ADGRB1: variants seen among roughly 807,000 people sequenced by gnomAD.
ADGRB1 encodes the protein brain-specific angiogenesis inhibitor 1.
In ADGRB1, 36 loss-of-function variants were observed where a neutral mutation model predicts 175.7. The observed-to-expected ratio is 0.20, with a 90% CI of 0.16 to 0.27. The LOEUF (loss-of-function observed/expected upper bound fraction) is 0.27, where lower values mean the gene tolerates loss of function less well. Ranked by LOEUF, ADGRB1 falls within the 10% of genes least tolerant of loss-of-function variation. The pLI, the probability that ADGRB1 is intolerant of heterozygous loss-of-function variation, is 1.00. For synonymous variants in ADGRB1, 1,054 were observed against 979.4 expected (o/e 1.08, Z -1.42); for missense variants, 1,731 against 2,255.3 (o/e 0.77, Z 4.71).
In ADGRB1 at chr8:142,463,422, C is replaced by T. The variant is rs183916526; in HGVS notation, c.-219-558C>T. ...CAAGCCTTTAGAAAGGGCTCGGGGG[C>T]CAGACGGGAGGCTGGGGAATGGCCC... is the stretch of plus-strand genomic sequence containing the variant. On this transcript the variant is annotated intron_variant, in intron 1 of 30. Coordinates refer to ENST00000517894, the MANE Select transcript of ADGRB1 (RefSeq NM_001702.3). Among the ~76,000 whole-genome samples, 64 of 152,360 alleles carry T rather than the reference C, an allele frequency of 4.2e-4. 1 individual carries two copies. In the East Asian group the frequency reaches 0.01, roughly 24 times the overall value.
rs754665297 is a variant in ADGRB1, at chr8:142,536,999, G to A, written c.3583G>A (p.Val1195Met). 7 of 1,592,272 alleles carry A rather than the reference G, an allele frequency of 4.4e-6. No individual in the cohort carries two copies. The change falls in exon 26 of 31, where the codon GTG becomes ATG. Residue 1195 changes from valine (V) to methionine (M), a missense_variant. By Grantham distance (21) the Val-to-Met change is conservative. Around this residue, in one of 8 missense-constraint regions of ADGRB1, gnomAD observed 301 missense variants for 488.4 expected, o/e 0.62. Transcript: ENST00000517894. Reference sequence around the variant, plus strand: ...TCTCCCTCCCCAGGTCCAGGACGCTGTGAAATGCCGTGTGGTTGACCGGCA... The same window carrying A: ...TCTCCCTCCCCAGGTCCAGGACGCTATGAAATGCCGTGTGGTTGACCGGCA... ...CILRREVQDA[V>M]KCRVVDRQEE...
At position 142,499,438 on chromosome 8, in the gene ADGRB1, G is replaced by A. The variant is rs116570248; in HGVS notation, c.2675+8623G>A. 7.9e-3 allele frequency among the ~76,000 whole-genome samples: 1,200 copies of A among 152,298 alleles called. 7 individuals are homozygous for A. The highest frequency in any genetic ancestry group is 0.02 in the African/African-American group (841 of 41,526). On this transcript the variant is annotated intron_variant, in intron 17 of 30. Coordinates refer to ENST00000517894, the MANE Select transcript of ADGRB1 (RefSeq NM_001702.3). ...CAAAAGAGCGCCACCCTTGGGGGCC[G>A]GAGACTTGGGGTACGGCCACCCGCG...
chr8:142,451,871 T>G (rs1416868444), intron 1 of ADGRB1, among the ~76,000 whole-genome samples: 1 of 151,496 alleles, frequency 6.6e-6, no homozygotes, highest in Admixed American at 6.6e-5. Context: ...ACGAGGGAGG[T>G]CGAGCCGCTC....
intron 13 of ADGRB1, among the ~76,000 whole-genome samples, chr8:142,487,814 A>T (rs1841754393): frequency 6.6e-6 from 1 of 152,098 alleles, no homozygotes; most frequent in Admixed American, 6.5e-5. Flanking sequence ...CCTTCCCAGA[A>T]TGGGAGGGAA....
intron 1 of ADGRB1, among the ~76,000 whole-genome samples, chr8:142,460,079 G>A (rs552492989): frequency 6.6e-6 from 1 of 152,266 alleles, no homozygotes; most frequent in Non-Finnish European, 1.5e-5. Flanking sequence ...CCTGGCGTGG[G>A]GGGGACAGGA....
intron 1 of ADGRB1, among the ~76,000 whole-genome samples, chr8:142,456,291 C>G (rs912419811): frequency 2.0e-5 from 3 of 152,142 alleles, no homozygotes; most frequent in African/African-American, 7.2e-5. Context: ...TGTGCAGACC[C>G]AATGCTGGCA....
rs776053071 is a variant in ADGRB1 at position 142,481,342 on chromosome 8, C to T, written c.1917C>T (p.Tyr639=). 1 of 1,613,812 alleles carries T rather than the reference C, an allele frequency of 6.2e-7. No homozygotes were observed. The highest frequency in any genetic ancestry group is 1.1e-5 in the South Asian group (1 of 91,088). ...PTYIRCVSID[Y]RNIQMMTREH... The stretch of plus-strand genomic sequence containing the variant: ...ACATCCGCTGTGTTTCCATTGACTA[C>T]AGAAACATCCAGATGATGGTGAGGG... Residue 639 remains tyrosine (Y), a synonymous_variant, in exon 10 of 31, where the codon TAC becomes TAT. Coordinates refer to ENST00000517894, the MANE Select transcript of ADGRB1 (RefSeq NM_001702.3).
chr8:142,486,366 C>T (rs1013997407), intron 13 of ADGRB1, among the ~76,000 whole-genome samples: 1 of 152,216 alleles, frequency 6.6e-6, no homozygotes, highest in African/African-American at 2.4e-5. Context: ...TATGAAGGCT[C>T]GAACTCTGAT....
At chr8:142,450,271 C>G (rs907439708) in intron 1 of ADGRB1, among the ~76,000 whole-genome samples, 167 bp downstream of exon 1, 5 of 151,730 alleles carry the variant, frequency 3.3e-5, no homozygotes, top group Admixed American at 6.5e-5. Flanking sequence ...ACCCCCACCC[C>G]CTACCCCCTC....
At chr8:142,529,698 ACCTGTGAGCGTGCATCTATGTG>A (rs1844485937) in intron 24 of ADGRB1, among the ~76,000 whole-genome samples, 1 of 111,160 alleles carries the variant, frequency 9.0e-6, no homozygotes, top group East Asian at 2.4e-4. Context: ...GCATCGGTGT[ACCTGTGAGCGTGCATCTATGTG>A]TGTGAGTGCA....
chr8:142,529,628 G>C (rs569933028), intron 24 of ADGRB1, among the ~76,000 whole-genome samples: 2 of 151,148 alleles, frequency 1.3e-5, no homozygotes, highest in South Asian at 2.1e-4. Context: ...GTGTGCATAC[G>C]TGTGAGCATG....
Position 142,511,199 on chromosome 8 carries a change from C to T in ADGRB1, c.2817+126C>T, listed in dbSNP as rs1843082695. On this transcript the variant is annotated intron_variant, in intron 18 of 30. Coordinates refer to ENST00000517894, the MANE Select transcript of ADGRB1 (RefSeq NM_001702.3). This position sits in a 1 kb window ranked among gnomAD's most constrained non-coding sequence, Gnocchi z 4.5. ...CCGGAGGGGTCGCTGTGGCCCGCAG[C>T]CGCCGTGGCCTGGCCCGGCCGGCGG... is the stretch of plus-strand genomic sequence containing the variant. 17 of 814,040 alleles carry T rather than the reference C, an allele frequency of 2.1e-5. No individual in the cohort carries two copies. Among genetic ancestry groups the T allele is most frequent in the Non-Finnish European group, 2.4e-5 (16 of 668,266 alleles). 50.4% of individuals were successfully genotyped at this position (814,040 alleles called of 1,614,324 possible).
intron 24 of ADGRB1, among the ~76,000 whole-genome samples, chr8:142,529,018 C>T (rs1362850103): frequency 6.6e-6 from 1 of 152,234 alleles, no homozygotes; most frequent in Non-Finnish European, 1.5e-5. Context: ...GAACCTCCAC[C>T]CCCACCCCTG....
chr8:142,542,597 C>T lies in ADGRB1; in HGVS notation c.4363C>T (p.Pro1455Ser), dbSNP rs753644956. ...PAAHPGPSTG[P>S]STKNENVATL... ...CGCCCATCCGGGACCCAGCACGGGG[C>T]CCAGCACCAAGAACGAGAATGTCGC... The change falls in exon 28 of 31, where the codon CCC becomes TCC. Residue 1455 changes from proline (P) to serine (S), a missense_variant. Physicochemically the swap from Pro to Ser is moderately conservative, Grantham distance 74. Around this residue, in one of 8 missense-constraint regions of ADGRB1, gnomAD observed 394 missense variants for 410.2 expected, o/e 0.96. Coordinates refer to ENST00000517894, the MANE Select transcript of ADGRB1 (RefSeq NM_001702.3). This position sits in a 1 kb window ranked among gnomAD's most constrained non-coding sequence, Gnocchi z 6.3. The T allele has an allele frequency of 1.3e-6, 2 of 1,547,700 alleles. No individual in the cohort carries two copies. The highest frequency in any genetic ancestry group is 5.0e-5 in the East Asian group (2 of 40,036).
intron 14 of ADGRB1, 120 bp downstream of exon 14, chr8:142,488,627 C>T: frequency 7.4e-7 from 1 of 1,348,010 alleles, no homozygotes; most frequent in Non-Finnish European, 1.0e-6. Flanking sequence ...TCAAGGGGGT[C>T]CTCTTTTCCA....
At chr8:142,523,709 G>A (rs1176878354) in intron 22 of ADGRB1, among the ~76,000 whole-genome samples, 1 of 150,436 alleles carries the variant, frequency 6.6e-6, no homozygotes, top group African/African-American at 2.5e-5. Flanking sequence ...GTCCTTATTG[G>A]GTTTCAGGTT....
At chr8:142,473,805 C>T (rs1415932192) in intron 2 of ADGRB1, among the ~76,000 whole-genome samples, 1 of 152,236 alleles carries the variant, frequency 6.6e-6, no homozygotes, top group Non-Finnish European at 1.5e-5. Context: ...CCTCCCACAG[C>T]TGTGGTGGGT....
intron 2 of ADGRB1, among the ~76,000 whole-genome samples, chr8:142,470,041 C>T (rs1473199243): frequency 1.3e-5 from 2 of 152,188 alleles, no homozygotes; most frequent in Admixed American, 6.5e-5. Context: ...AGCCCGTGGC[C>T]CATTTTCAGC....
intron 2 of ADGRB1, among the ~76,000 whole-genome samples, chr8:142,470,522 C>T (rs750877891): frequency 7.3e-5 from 11 of 151,016 alleles, no homozygotes; most frequent in Non-Finnish European, 1.0e-4. Context: ...GTGTGTGTGT[C>T]CCTCTGTGGT....
Sources: gnomAD v4.1 joint callset for allele counts (sites outside exome capture counted in the v4.1 genomes callset) on GRCh38, gnomAD v4.1.1 for gene constraint, gnomAD v4.1.1 regional missense constraint, Gnocchi (gnomAD v3.1) non-coding constraint, MANE v1.5 for transcripts, NCBI Gene and HGNC (gene_info 2026-07-23, HGNC 2026-07-21) for gene names.